The following CCDC191 variants were observed in gnomAD, a reference collection of about 807,000 sequenced individuals.
CCDC191 encodes coiled-coil domain-containing protein 191.
CCDC191 carries 99 observed loss-of-function variants against 114.0 expected under a neutral mutation model. The observed-to-expected ratio is 0.87, with a 90% CI of 0.74 to 1.03. The LOEUF is 1.03. Ranked by LOEUF, CCDC191 falls within the 50% of genes least tolerant of loss-of-function variation. The pLI is 0.00. For synonymous variants in CCDC191, 351 were observed against 376.0 expected, an observed-to-expected ratio of 0.93 and a Z score of 0.77; for missense variants, 973 against 1,087.0, an observed-to-expected ratio of 0.90 and a Z score of 1.47.
intron 16 of CCDC191, among the ~76,000 whole-genome samples, chr3:113,972,868 T>C (rs1940961728): frequency 6.6e-6 from 1 of 152,224 alleles, no homozygotes; most frequent in African/African-American, 2.4e-5. Flanking sequence ...CTGATATAAG[T>C]ATAGCTATTC....
intron 4 of CCDC191, among the ~76,000 whole-genome samples, chr3:114,037,987 G>A (rs2076510095): frequency 2.0e-5 from 3 of 152,150 alleles, no homozygotes; most frequent in Admixed American, 2.0e-4. Context: ...TGGAACGATT[G>A]GATCATATTA....
chr3:113,990,467 C>A (rs2075519942), intron 13 of CCDC191, among the ~76,000 whole-genome samples: 2 of 151,824 alleles, frequency 1.3e-5, no homozygotes, highest in African/African-American at 2.4e-5. Context: ...AAAAAGAAAA[C>A]TCCAGGTGAG....
intron 13 of CCDC191, among the ~76,000 whole-genome samples, chr3:113,993,648 G>T (rs2107641257): frequency 6.6e-6 from 1 of 152,298 alleles, no homozygotes; most frequent in African/African-American, 2.4e-5. Flanking sequence ...ACTTTGGCAG[G>T]CTGAGGTGGG....
At chr3:114,008,813 C>T (rs140321649) in intron 9 of CCDC191, among the ~76,000 whole-genome samples, 6 of 152,104 alleles carry the variant, frequency 3.9e-5, no homozygotes, top group Non-Finnish European at 8.8e-5. Context: ...TATCTTACTA[C>T]ATCCATATAT....
chr3:113,975,362 T>C (rs1472647264), intron 16 of CCDC191, among the ~76,000 whole-genome samples: 1 of 152,200 alleles, frequency 6.6e-6, no homozygotes, highest in Non-Finnish European at 1.5e-5. Context: ...CTCTTCTATA[T>C]GGTATTATTT....
intron 2 of CCDC191, among the ~76,000 whole-genome samples, chr3:114,048,024 C>T (rs547754160): frequency 6.6e-6 from 1 of 152,166 alleles, no homozygotes; most frequent in South Asian, 2.1e-4. Flanking sequence ...CCCTAACTTC[C>T]CCCTCCCAGA....
intron 9 of CCDC191, 105 bp downstream of exon 9, chr3:114,010,667 A>C: frequency 2.7e-6 from 3 of 1,125,192 alleles, no homozygotes; most frequent in Non-Finnish European, 3.8e-6. Context: ...GGCAGCTCTA[A>C]TCTTCTGATA....
Position 114,018,823 on chromosome 3 carries a change from G to C in CCDC191, c.1018C>G (p.His340Asp), listed in dbSNP as rs1436581297. 1 of 1,613,810 alleles carries C rather than the reference G, an allele frequency of 6.2e-7. No homozygotes were observed. The highest frequency in any genetic ancestry group is 1.3e-5 in the African/African-American group (1 of 74,996). ...FAAWHKLILD[H>D]RIKLGKAGTL... is the part of the protein sequence containing the mutation. Reference sequence around the variant, plus strand: ...CCAGCTTTCCCCAGCTTAATCCTATGATCAAGAATCAGCTTGTGCCAGGCA... The same window carrying C: ...CCAGCTTTCCCCAGCTTAATCCTATCATCAAGAATCAGCTTGTGCCAGGCA... The change falls in exon 8 of 17, where the codon CAT (histidine) becomes GAT (aspartate). Residue 340 changes from histidine (H) to aspartate (D), a missense_variant. By Grantham distance (81) the His-to-Asp change is moderately conservative (BLOSUM62 -1). Transcript: ENST00000295878.
At position 114,013,720 on chromosome 3, in the gene CCDC191, GA is replaced by G. The variant is rs560257762; in HGVS notation, c.1164-2700del. On this transcript the variant is annotated intron_variant, in intron 8 of 16. Coordinates refer to ENST00000295878, the MANE Select transcript of CCDC191 (RefSeq NM_020817.2). ...AGAAAGGCAGGCTCTGCTCATCTAA[GA>G]ATATAAAATACAAAAGGTTTGAATA... 1.9e-3 allele frequency among the ~76,000 whole-genome samples: 293 copies of G among 152,246 alleles called. 1 individual carries two copies. The highest frequency in any genetic ancestry group is 6.9e-3 in the African/African-American group (287 of 41,552).
In CCDC191 at chr3:114,054,864, T is replaced by C. The variant is rs139883232; in HGVS notation, c.91-1229A>G. Among the ~76,000 whole-genome samples, 717 of 152,230 alleles carry C rather than the reference T, an allele frequency of 4.7e-3. 8 individuals carry two copies. The highest frequency in any genetic ancestry group is 0.016 in the African/African-American group (646 of 41,542). On this transcript the variant is annotated intron_variant, in intron 1 of 16. Coordinates refer to ENST00000295878, the MANE Select transcript of CCDC191 (RefSeq NM_020817.2). ...TTCCCTCTAATAGTCACTTAACAAA[T>C]AGAGTTATCTTCTTCACTAAAAATT...
At chr3:114,043,473 G>T (rs2076590581) in intron 3 of CCDC191, among the ~76,000 whole-genome samples, 2 of 152,164 alleles carry the variant, frequency 1.3e-5, no homozygotes. Context: ...CTGTCTAGTA[G>T]GTAGAGGCCA....
At chr3:114,034,893 G>A in intron 6 of CCDC191, 32 bp downstream of exon 6, 1 of 1,583,228 alleles carries the variant, frequency 6.3e-7, no homozygotes, top group East Asian at 2.2e-5. Context: ...CTTAAACAGA[G>A]AAACCCCACA....
At chr3:114,014,455 A>G (rs1349305947) in intron 8 of CCDC191, among the ~76,000 whole-genome samples, 4 of 152,156 alleles carry the variant, frequency 2.6e-5, no homozygotes, top group Non-Finnish European at 4.4e-5. Context: ...CACTCCGTAA[A>G]TGATTTCCAA....
intron 2 of CCDC191, 113 bp from the exon 3 acceptor site, chr3:114,046,845 T>C: frequency 7.2e-7 from 1 of 1,394,268 alleles, no homozygotes. Flanking sequence ...GATTCGTTCA[T>C]TTTTCCATTT....
At chr3:114,036,581 C>A in intron 5 of CCDC191, 27 bp downstream of exon 5, 1 of 1,520,538 alleles carries the variant, frequency 6.6e-7, no homozygotes, top group Admixed American at 1.9e-5. Flanking sequence ...TCCTGTTATC[C>A]ATTTTAATTT....
chr3:113,971,833 T>A (rs1436030462), intron 16 of CCDC191, among the ~76,000 whole-genome samples: 2 of 152,174 alleles, frequency 1.3e-5, no homozygotes, highest in Non-Finnish European at 2.9e-5. Flanking sequence ...GTGAGACTTT[T>A]TAATTACAGC....
At chr3:114,035,635 C>A (rs957745625) in intron 5 of CCDC191, among the ~76,000 whole-genome samples, 1 of 152,120 alleles carries the variant, frequency 6.6e-6, no homozygotes, top group African/African-American at 2.4e-5. Flanking sequence ...GTAAATATAG[C>A]AGTGATTCTG....
rs1204931633 is a variant in CCDC191, at chr3:114,001,391, G to A, written c.2163+204C>T. Among the ~76,000 whole-genome samples, 4 of 152,182 alleles carry A rather than the reference G, an allele frequency of 2.6e-5. No homozygotes were observed. In the East Asian group the frequency reaches 7.7e-4, roughly 29 times the overall value. On this transcript the variant is annotated intron_variant, in intron 13 of 16. Transcript: ENST00000295878. ...AGTGGAGAGGAGGGTGGGCAGGGCAGGAAAGGCTAATCTGGACAAAGTTCT... is the reference window on the plus strand; with the variant it reads ...AGTGGAGAGGAGGGTGGGCAGGGCAAGAAAGGCTAATCTGGACAAAGTTCT...
chr3:113,988,626 C>CAAAAAAAA (rs887679387), intron 13 of CCDC191, among the ~76,000 whole-genome samples: 1 of 43,648 alleles, frequency 2.3e-5, no homozygotes, highest in Non-Finnish European at 4.3e-5. Context: ...GACTCCATCT[C>CAAAAAAAA]AAAAAAAAAA....
Sources: gnomAD v4.1 joint callset for allele counts (sites outside exome capture counted in the v4.1 genomes callset) on GRCh38, gnomAD v4.1.1 for gene constraint, MANE v1.5 for transcripts, NCBI Gene and HGNC (gene_info 2026-07-23, HGNC 2026-07-21) for gene names.